The following LSAMP variants were observed in gnomAD, a reference collection of about 807,000 sequenced individuals.
LSAMP encodes the protein limbic system associated membrane protein, also known as limbic system-associated membrane protein.
LSAMP carries 7 observed loss-of-function variants against 38.6 expected under a neutral mutation model. That is an observed-to-expected ratio of 0.18 (90% CI 0.10 to 0.34). The LOEUF (loss-of-function observed/expected upper bound fraction) is 0.34, where lower values mean the gene tolerates loss of function less well. Among genes scored for constraint, LSAMP ranks in the 10% least tolerant of loss-of-function variants. The probability of loss-of-function intolerance (pLI) is 1.00; values close to 1 mark genes in which losing one functional copy is unlikely to be tolerated. For missense variants in LSAMP, 313 were observed against 420.0 expected (o/e 0.75, Z 2.23); for synonymous variants, 154 against 166.8 (o/e 0.92, Z 0.59).
At chr3:115,970,183 C>T (rs944314356) in intron 3 of LSAMP, among the ~76,000 whole-genome samples, 1 of 152,004 alleles carries the variant, frequency 6.6e-6, no homozygotes, top group Non-Finnish European at 1.5e-5. Flanking sequence ...ATAAGACCAT[C>T]CTAAAGAATT....
intron 3 of LSAMP, among the ~76,000 whole-genome samples, chr3:115,862,100 G>A (rs192474189): frequency 6.6e-6 from 1 of 152,166 alleles, no homozygotes; most frequent in Admixed American, 6.5e-5. Context: ...GGGGGCAGGG[G>A]GTTGTTTGGC....
intron 1 of LSAMP, among the ~76,000 whole-genome samples, chr3:116,124,081 T>G (rs1708952657): frequency 6.6e-6 from 1 of 152,186 alleles, no homozygotes; most frequent in South Asian, 2.1e-4. Flanking sequence ...TCATATGTGT[T>G]GGGAAAGACA....
At chr3:115,939,574 T>TTCTTTCTTTC (rs1559889099) in intron 3 of LSAMP, among the ~76,000 whole-genome samples, 1 of 149,468 alleles carries the variant, frequency 6.7e-6, no homozygotes, top group African/African-American at 2.5e-5. Flanking sequence ...CTTTCTTTCT[T>TTCTTTCTTTC]TCTTTCTTTC....
intron 1 of LSAMP, among the ~76,000 whole-genome samples, chr3:116,345,773 T>C (rs768102507): frequency 4.5e-4 from 69 of 152,266 alleles, no homozygotes; most frequent in Middle Eastern, 3.4e-3. Flanking sequence ...AAATTAGATA[T>C]AGCAGTGTCG....
chr3:116,372,312 A>G (rs562239310), intron 1 of LSAMP, among the ~76,000 whole-genome samples: 1 of 152,202 alleles, frequency 6.6e-6, no homozygotes, highest in South Asian at 2.1e-4. Flanking sequence ...AGACTATTCA[A>G]TGGGGGAAAG....
At chr3:115,927,803 G>A (rs1279294336) in intron 3 of LSAMP, among the ~76,000 whole-genome samples, 1 of 152,160 alleles carries the variant, frequency 6.6e-6, no homozygotes, top group Non-Finnish European at 1.5e-5. Context: ...GCTGCTTCAA[G>A]TCTTTGCTCA....
At chr3:115,842,802 A>G (rs1414127021) in intron 4 of LSAMP, among the ~76,000 whole-genome samples, 1 of 152,250 alleles carries the variant, frequency 6.6e-6, no homozygotes, top group Non-Finnish European at 1.5e-5. Flanking sequence ...GTTTACTTAA[A>G]TGAGACACTT....
chr3:115,812,442 G>C (rs898535008), intron 6 of LSAMP, among the ~76,000 whole-genome samples: 56 of 152,270 alleles, frequency 3.7e-4, no homozygotes, highest in African/African-American at 1.3e-3. Flanking sequence ...AGTGTCTTAA[G>C]TCATCTCAAG....
At chr3:116,184,010 A>G (rs1431842052) in intron 1 of LSAMP, among the ~76,000 whole-genome samples, 1 of 151,796 alleles carries the variant, frequency 6.6e-6, no homozygotes, top group African/African-American at 2.4e-5. Flanking sequence ...GGAGGAAAAA[A>G]CATCATCATA....
At chr3:116,093,509 C>T (rs78870693) in intron 1 of LSAMP, among the ~76,000 whole-genome samples, 3 of 152,268 alleles carry the variant, frequency 2.0e-5, no homozygotes, top group African/African-American at 2.4e-5. Flanking sequence ...GACAAAGGCA[C>T]AGCAATGAGG....
chr3:116,326,093 AT>A (rs2047768003), intron 1 of LSAMP, among the ~76,000 whole-genome samples: 2 of 152,024 alleles, frequency 1.3e-5, no homozygotes, highest in South Asian at 4.1e-4. Flanking sequence ...TAACTTAATT[AT>A]TTTTGTAATA....
At chr3:116,357,036 A>G (rs1049461717) in intron 1 of LSAMP, among the ~76,000 whole-genome samples, 2 of 151,918 alleles carry the variant, frequency 1.3e-5, no homozygotes, top group Non-Finnish European at 2.9e-5. Flanking sequence ...CTCGTGATCC[A>G]CCCGCCTCGG....
chr3:116,072,957 A>G (rs1352950382), intron 2 of LSAMP, among the ~76,000 whole-genome samples: 2 of 152,034 alleles, frequency 1.3e-5, no homozygotes, highest in East Asian at 3.9e-4. Context: ...TGCTTTTGGC[A>G]TTTTCATCAT....
At chr3:116,050,548 T>G (rs1460161529) in intron 2 of LSAMP, among the ~76,000 whole-genome samples, 3 of 149,570 alleles carry the variant, frequency 2.0e-5, no homozygotes, top group African/African-American at 7.4e-5. Context: ...AAAAAAAGTA[T>G]CCACTAAGTC....
intron 1 of LSAMP, among the ~76,000 whole-genome samples, chr3:116,180,318 A>G (rs1251498009): frequency 2.6e-5 from 4 of 152,178 alleles, no homozygotes; most frequent in African/African-American, 9.6e-5. Context: ...TACAAGATGC[A>G]ATGAGAGTTC....
chr3:115,840,542 C>T (rs1349268762), intron 6 of LSAMP, among the ~76,000 whole-genome samples: 2 of 152,168 alleles, frequency 1.3e-5, no homozygotes, highest in Non-Finnish European at 2.9e-5. Flanking sequence ...ATGGAGGCAG[C>T]ATTTGTATAA....
chr3:116,312,494 G>C (rs974168853), intron 1 of LSAMP, among the ~76,000 whole-genome samples: 1 of 152,060 alleles, frequency 6.6e-6, no homozygotes, highest in Admixed American at 6.6e-5. Context: ...TCCATTCTGA[G>C]TTATTTACTC....
chr3:116,285,955 A>G (rs1388730011), intron 1 of LSAMP, among the ~76,000 whole-genome samples: 1 of 152,196 alleles, frequency 6.6e-6, no homozygotes, highest in Non-Finnish European at 1.5e-5. Context: ...TGTTTAAAAG[A>G]GAAAACAGGC....
At chr3:115,891,257 T>G (rs989810790) in intron 3 of LSAMP, among the ~76,000 whole-genome samples, 1 of 152,010 alleles carries the variant, frequency 6.6e-6, no homozygotes, top group Non-Finnish European at 1.5e-5. Flanking sequence ...CTTCTGACTC[T>G]AGGCTCAGCC....
Sources: gnomAD v4.1 joint callset for allele counts (sites outside exome capture counted in the v4.1 genomes callset) on GRCh38, gnomAD v4.1.1 for gene constraint, MANE v1.5 for transcripts, NCBI Gene and HGNC (gene_info 2026-07-23, HGNC 2026-07-21) for gene names.